Variants in MARCHF11 observed in about 807,000 individuals in gnomAD.
MARCHF11 encodes membrane associated ring-CH-type finger 11.
MARCHF11 carries 29 observed loss-of-function variants against 37.3 expected under a neutral mutation model. The ratio of observed to expected loss-of-function variants is 0.78; its 90% CI spans 0.58 to 1.06. MARCHF11 has a LOEUF of 1.06. MARCHF11 is among the 50% of genes least tolerant of loss of function. The pLI is 0.00. For synonymous variants in MARCHF11, 233 were observed against 228.0 expected (o/e 1.02, Z -0.20); for missense variants, 482 against 533.4 (o/e 0.90, Z 0.95).
intron 2 of MARCHF11, among the ~76,000 whole-genome samples, chr5:16,105,454 A>AG (rs1737022142): frequency 6.6e-6 from 1 of 152,244 alleles, no homozygotes; most frequent in African/African-American, 2.4e-5. Flanking sequence ...GTATTAATAA[A>AG]GAACAAGCTT....
chr5:16,111,559 G>A (rs1321791692), intron 2 of MARCHF11, among the ~76,000 whole-genome samples: 1 of 152,170 alleles, frequency 6.6e-6, no homozygotes, highest in African/African-American at 2.4e-5. Flanking sequence ...CTTGGGTGCT[G>A]TTAAAAGCAT....
chr5:16,124,800 C>A (rs922469502), intron 2 of MARCHF11, among the ~76,000 whole-genome samples: 1 of 151,534 alleles, frequency 6.6e-6, no homozygotes, highest in African/African-American at 2.4e-5. Context: ...ATTAAAACCT[C>A]AAGATAAAAT....
chr5:16,131,588 C>A (rs764570964), intron 2 of MARCHF11, among the ~76,000 whole-genome samples: 5 of 152,094 alleles, frequency 3.3e-5, no homozygotes, highest in Non-Finnish European at 5.9e-5. Flanking sequence ...ATTTAAGAGA[C>A]CTGGGTATGA....
At chr5:16,169,943 C>T (rs1029153208) in intron 2 of MARCHF11, among the ~76,000 whole-genome samples, 1 of 152,062 alleles carries the variant, frequency 6.6e-6, no homozygotes, top group African/African-American at 2.4e-5. Flanking sequence ...AGCAAAACAT[C>T]AGTCACATCA....
Position 16,151,526 on chromosome 5 carries a change from T to C in MARCHF11, c.693+26200A>G, listed in dbSNP as rs1381232176. Among the ~76,000 whole-genome samples the C allele has an allele frequency of 4.6e-5, 7 of 150,988 alleles. No individual in the cohort carries two copies. The East Asian group carries it at 1.4e-3, about 29-fold the overall frequency. On this transcript the variant is annotated intron_variant, in intron 2 of 3. Coordinates refer to ENST00000332432, the MANE Select transcript of MARCHF11 (RefSeq NM_001102562.3). ...ACCATTCCCTTGCCACATCCCACAC[T>C]TTCAGGCTGATCTTTTTTTTTTTTT...
At chr5:16,096,968 G>A (rs1014542658) in intron 2 of MARCHF11, among the ~76,000 whole-genome samples, 3 of 152,132 alleles carry the variant, frequency 2.0e-5, no homozygotes, top group Non-Finnish European at 2.9e-5. Flanking sequence ...ATTTAGTCTC[G>A]GGTACTGTTT....
intron 2 of MARCHF11, among the ~76,000 whole-genome samples, chr5:16,157,687 A>AAATT (rs1309619619): frequency 6.6e-6 from 1 of 152,074 alleles, no homozygotes; most frequent in East Asian, 1.9e-4. Context: ...AAATCAACTC[A>AAATT]AAATGATTTA....
chr5:16,088,512 T>C (rs1300043880), intron 3 of MARCHF11, among the ~76,000 whole-genome samples: 2 of 152,170 alleles, frequency 1.3e-5, no homozygotes, highest in African/African-American at 4.8e-5. Flanking sequence ...ATCAATATAA[T>C]CTTTGTTACT....
intron 2 of MARCHF11, among the ~76,000 whole-genome samples, chr5:16,155,731 G>T (rs1442464669): frequency 6.6e-6 from 1 of 151,904 alleles, no homozygotes; most frequent in African/African-American, 2.4e-5. Context: ...TGGGAATCAA[G>T]TCAGGCATTC....
In MARCHF11 at chr5:16,179,457, G is replaced by T; in HGVS notation, c.119C>A (p.Ala40Asp). The part of the protein sequence containing the change: ...PPPTPPPGEP[A>D]PVPAAPRYLP... Reference sequence around the variant, plus strand: ...GTAGCGCGGGGCCGCGGGGACCGGGGCCGGCTCTCCCGGCGGCGGCGTCGG... The same window carrying T: ...GTAGCGCGGGGCCGCGGGGACCGGGTCCGGCTCTCCCGGCGGCGGCGTCGG... The change falls in exon 1 of 4, where the codon GCC becomes GAC. Residue 40 changes from alanine (A) to aspartate (D), a missense_variant. Physicochemically the swap from Ala to Asp is moderately radical, Grantham distance 126. Coordinates refer to ENST00000332432, the MANE Select transcript of MARCHF11 (RefSeq NM_001102562.3). 1 of 1,121,226 alleles carries T rather than the reference G, an allele frequency of 8.9e-7. No individual in the cohort carries two copies. The highest frequency in any genetic ancestry group is 1.1e-6 in the Non-Finnish European group (1 of 918,418). 69.5% of individuals were successfully genotyped at this position (1,121,226 alleles called of 1,614,324 possible). A position where few individuals can be genotyped will look rare whatever the true frequency, so the allele number is the denominator to read the frequency against.
intron 2 of MARCHF11, among the ~76,000 whole-genome samples, chr5:16,150,341 GA>G (rs1737870297): frequency 6.7e-6 from 1 of 149,228 alleles, no homozygotes. Context: ...CACAAAGCTG[GA>G]AAGAGCAGAA....
At chr5:16,132,654 A>G (rs1737537282) in intron 2 of MARCHF11, among the ~76,000 whole-genome samples, 1 of 152,206 alleles carries the variant, frequency 6.6e-6, no homozygotes, top group African/African-American at 2.4e-5. Context: ...GTTGGCCTGG[A>G]CACCAAGAGT....
intron 2 of MARCHF11, among the ~76,000 whole-genome samples, chr5:16,155,813 T>G (rs1405569513): frequency 6.6e-6 from 1 of 151,914 alleles, no homozygotes; most frequent in African/African-American, 2.4e-5. Context: ...TCAGTAAGTA[T>G]TTCTAGAAGT....
intron 3 of MARCHF11, among the ~76,000 whole-genome samples, chr5:16,083,120 T>C (rs753808309): frequency 1.3e-5 from 2 of 152,210 alleles, no homozygotes; most frequent in African/African-American, 2.4e-5. Context: ...CACTTTTGAA[T>C]GGTGTGCAGC....
chr5:16,067,785 C>T lies in MARCHF11; in HGVS notation c.895G>A (p.Val299Ile), dbSNP rs1013708654. 1 of 1,605,278 alleles carries T rather than the reference C, an allele frequency of 6.2e-7. No individual in the cohort carries two copies. The highest frequency in any genetic ancestry group is 1.7e-5 in the Admixed American group (1 of 59,120). Residue 299 changes from valine (V) to isoleucine (I), a missense_variant, in exon 4 of 4, where the codon GTT becomes ATT. By Grantham distance (29) the Val-to-Ile change is conservative. Coordinates refer to ENST00000332432, the MANE Select transcript of MARCHF11 (RefSeq NM_001102562.3). Reference sequence around the variant, plus strand: ...CTGTAAACTGCAGCTCCTTCATGAACAATGAGACCTAAAATTTGAGAAAAT... The same window carrying T: ...CTGTAAACTGCAGCTCCTTCATGAATAATGAGACCTAAAATTTGAGAAAAT... ...FMDLVCIGLI[V>I]HEGAAVYRVF...
At chr5:16,148,235 C>A (rs1240696942) in intron 2 of MARCHF11, among the ~76,000 whole-genome samples, 2 of 151,882 alleles carry the variant, frequency 1.3e-5, no homozygotes, top group Admixed American at 6.6e-5. Flanking sequence ...AAAAGAAAAC[C>A]AGCTGGTAGG....
At chr5:16,174,286 T>C (rs1738320040) in intron 2 of MARCHF11, among the ~76,000 whole-genome samples, 1 of 152,252 alleles carries the variant, frequency 6.6e-6, no homozygotes. Flanking sequence ...ATTCTGCCAG[T>C]AGATAGGAAG....
intron 2 of MARCHF11, among the ~76,000 whole-genome samples, chr5:16,124,175 C>A (rs915538470): frequency 6.6e-6 from 1 of 151,784 alleles, no homozygotes; most frequent in African/African-American, 2.4e-5. Context: ...GGCCTGGGAA[C>A]AATGGAGTGA....
chr5:16,172,600 C>T (rs1430058356), intron 2 of MARCHF11, among the ~76,000 whole-genome samples: 1 of 152,184 alleles, frequency 6.6e-6, no homozygotes, highest in Non-Finnish European at 1.5e-5. Context: ...TTTCAAATGA[C>T]AGCATGCAAT....
Sources: gnomAD v4.1 joint callset for allele counts (sites outside exome capture counted in the v4.1 genomes callset) on GRCh38, gnomAD v4.1.1 for gene constraint, MANE v1.5 for transcripts, NCBI Gene and HGNC (gene_info 2026-07-23, HGNC 2026-07-21) for gene names.